Variants in NCOR2 observed in about 807,000 individuals in gnomAD.
NCOR2 encodes the protein CTG repeat protein 26.
A neutral mutation model predicts 262.9 loss-of-function variants in NCOR2; 81 were observed. The observed-to-expected ratio is 0.31, with a 90% CI of 0.26 to 0.37. NCOR2 has a LOEUF of 0.37. Ranked by LOEUF, NCOR2 falls within the 10% of genes least tolerant of loss-of-function variation. The pLI, the probability that NCOR2 is intolerant of heterozygous loss-of-function variation, is 1.00. For synonymous variants in NCOR2, 1,659 were observed against 1,559.3 expected (o/e 1.06, Z -1.51); for missense variants, 3,385 against 3,621.4 (o/e 0.93, Z 1.68).
intron 38 of NCOR2, chr12:124,336,540 A>G: frequency 1.5e-6 from 2 of 1,329,668 alleles, no homozygotes; most frequent in South Asian, 1.7e-5. Flanking sequence ...ACAAAATACC[A>G]AAACCAACAA....
chr12:124,339,198 A>G (rs1263970496), intron 37 of NCOR2, among the ~76,000 whole-genome samples: 1 of 136,374 alleles, frequency 7.3e-6, no homozygotes, highest in Non-Finnish European at 1.6e-5. Flanking sequence ...CCATCTACCT[A>G]CCTAACCCGA....
intron 13 of NCOR2, among the ~76,000 whole-genome samples, chr12:124,408,311 G>GC (rs1235809920): frequency 1.3e-5 from 2 of 151,580 alleles, no homozygotes; most frequent in Non-Finnish European, 2.9e-5. Flanking sequence ...CCAAGATCGC[G>GC]CCACTGCACT....
rs2137106017 is a variant in NCOR2, at chr12:124,523,699, T to C, written c.-118+11866A>G. 6.6e-6 allele frequency among the ~76,000 whole-genome samples: 1 copy of C among 152,080 alleles called. No homozygotes were observed. Among genetic ancestry groups the C allele is most frequent in the East Asian group, 1.9e-4 (1 of 5,178 alleles). ...TTTAAGAAAGTTTACAAATTTGTGT[T>C]GGGCTGCATTTAAAACCGTCCTGAG... On this transcript the variant is annotated intron_variant, in intron 1 of 46. Coordinates refer to the NCOR2 transcript ENST00000404621. The surrounding 1 kb of genome is among the most constrained non-coding windows in gnomAD (Gnocchi z 4.0).
chr12:124,553,622 C>G (rs1212437896), intron 1 of NCOR2, among the ~76,000 whole-genome samples: 1 of 152,256 alleles, frequency 6.6e-6, no homozygotes, highest in African/African-American at 2.4e-5. Context: ...CGTGATCAGA[C>G]AGAGCCCTGT....
At chr12:124,413,408 T>C (rs2042695878) in intron 13 of NCOR2, among the ~76,000 whole-genome samples, 2 of 152,162 alleles carry the variant, frequency 1.3e-5, no homozygotes, top group Admixed American at 6.5e-5. Context: ...TGGCATACAG[T>C]AGGCACTGAA....
intron 11 of NCOR2, among the ~76,000 whole-genome samples, chr12:124,424,886 G>A (rs1304492289): frequency 6.6e-6 from 1 of 152,160 alleles, no homozygotes; most frequent in Non-Finnish European, 1.5e-5. Context: ...AGAGGCCTCC[G>A]TCCACACCTC....
chr12:124,335,738 G>T, intron 38 of NCOR2, 106 bp from the exon 41 acceptor site: 3 of 1,316,872 alleles, frequency 2.3e-6, no homozygotes, highest in Admixed American at 2.6e-5. Flanking sequence ...GGGTCAAGGG[G>T]AACCCAAGCT....
At chr12:124,495,682 C>A (rs142380843), upstream of NCOR2, among the ~76,000 whole-genome samples, 2 of 152,298 alleles carry the variant, frequency 1.3e-5, no homozygotes, top group Non-Finnish European at 2.9e-5. This position sits in a 1 kb window ranked among gnomAD's most constrained non-coding sequence, Gnocchi z 4.4. Context: ...TCCCAGCCCC[C>A]CTAAGCCCAT....
upstream of NCOR2, among the ~76,000 whole-genome samples, chr12:124,496,425 C>A (rs1017400281): frequency 2.0e-5 from 3 of 152,104 alleles, no homozygotes; most frequent in Admixed American, 6.5e-5. The surrounding 1 kb of genome is among the most constrained non-coding windows in gnomAD (Gnocchi z 4.4). Context: ...TTGCACACAC[C>A]CCCCAGAGCT....
intron 1 of NCOR2, among the ~76,000 whole-genome samples, chr12:124,532,444 C>A (rs1241867875): frequency 6.6e-6 from 1 of 152,226 alleles, no homozygotes; most frequent in Non-Finnish European, 1.5e-5. Flanking sequence ...GGCCCCCAGA[C>A]AGGCCTTGCC....
At chr12:124,554,758 C>T (rs111837058) in intron 1 of NCOR2, among the ~76,000 whole-genome samples, 3,693 of 152,356 alleles carry the variant, frequency 0.024, 142 homozygotes, top group African/African-American at 0.083. Context: ...GGGGCAGCGC[C>T]CAGGGCCCAG....
intron 5 of NCOR2, among the ~76,000 whole-genome samples, chr12:124,465,184 G>A (rs1012459255): frequency 5.9e-5 from 9 of 152,104 alleles, no homozygotes; most frequent in African/African-American, 2.2e-4. Context: ...GGCAGGAGGG[G>A]AACCAGAGAA....
In NCOR2 at chr12:124,344,647, G is replaced by A. The variant is rs1026563101; in HGVS notation, c.4664C>T (p.Pro1555Leu). The change falls in exon 32 of 47, where the codon CCA (proline) becomes CTA (leucine). Residue 1555 changes from proline to leucine, a missense_variant. Around this residue, in one of 5 missense-constraint regions of NCOR2, gnomAD observed 1,615 missense variants for 1,626.9 expected, o/e 0.99. Transcript: ENST00000405201. ...CCGCGTGGTCACGGGCGAACCTCGT[G>A]GGAGGTGGCCGGCAAAGGGTGCCCC... 7 of 1,481,922 alleles carry A rather than the reference G, an allele frequency of 4.7e-6. No homozygotes were observed. The Admixed American group carries it at 1.1e-4, about 24-fold the overall frequency. The allele number at this position is 1,481,922 out of a possible 1,614,324, so 91.8% of individuals were successfully genotyped here.
chr12:124,330,863 G>A, exon 44 of NCOR2: 5 of 1,582,026 alleles, frequency 3.2e-6, no homozygotes, highest in Non-Finnish European at 4.3e-6. Context: ...GTGATGGCGG[G>A]CATATTGAAG....
intron 7 of NCOR2, among the ~76,000 whole-genome samples, chr12:124,446,767 G>A (rs2045200709): frequency 6.6e-6 from 1 of 152,168 alleles, no homozygotes; most frequent in Non-Finnish European, 1.5e-5. Flanking sequence ...TAGAAGGGAT[G>A]ATAATTTTAG....
chr12:124,516,657 GA>G (rs1424191821), intron 1 of NCOR2, among the ~76,000 whole-genome samples: 8 of 152,032 alleles, frequency 5.3e-5, no homozygotes, highest in African/African-American at 1.9e-4. Context: ...AAAGGACAAG[GA>G]AACTGAGGCT....
chr12:124,520,797 C>T (rs12821657), intron 1 of NCOR2, among the ~76,000 whole-genome samples: 28,891 of 152,098 alleles, frequency 0.19, 2,946 homozygotes, highest in Middle Eastern at 0.31. Context: ...CCCCTCCATA[C>T]TTCGAAAAAG....
chr12:124,332,862 T>C (rs1372999357), intron 42 of NCOR2, among the ~76,000 whole-genome samples: 2 of 152,140 alleles, frequency 1.3e-5, no homozygotes, highest in Non-Finnish European at 2.9e-5. Flanking sequence ...TCATTATTTC[T>C]TAGAGGTTCA....
chr12:124,341,872 G>C, exon 34 of NCOR2: 1 of 1,611,648 alleles, frequency 6.2e-7, no homozygotes, highest in Non-Finnish European at 8.5e-7. Flanking sequence ...CGCGGGGCGA[G>C]AGGCCCCTCA....
Sources: allele counts gnomAD v4.1 joint callset (sites outside exome capture counted in the v4.1 genomes callset), GRCh38; gene constraint gnomAD v4.1.1; regional missense constraint gnomAD v4.1.1; non-coding constraint Gnocchi (gnomAD v3.1); transcripts MANE v1.5; gene names NCBI Gene and HGNC (gene_info 2026-07-23, HGNC 2026-07-21).